CDK14: variants seen among roughly 807,000 people sequenced by gnomAD.
The protein encoded by CDK14 is cyclin dependent kinase 14.
In CDK14, 34 loss-of-function variants were observed where a neutral mutation model predicts 60.7. The observed-to-expected ratio is 0.56, with a 90% CI of 0.43 to 0.75. The LOEUF is 0.75. CDK14 is among the 30% of genes least tolerant of loss of function. The pLI, the probability that CDK14 is intolerant of heterozygous loss-of-function variation, is 0.00. For missense variants in CDK14, 482 were observed against 564.1 expected (o/e 0.85, Z 1.47); for synonymous variants, 197 against 203.7 (o/e 0.97, Z 0.28).
intron 10 of CDK14, among the ~76,000 whole-genome samples, chr7:91,028,217 C>T (rs1163378597): frequency 2.0e-5 from 3 of 151,516 alleles, no homozygotes; most frequent in African/African-American, 7.3e-5. Context: ...TGCTGCACTG[C>T]AAGACATTAT....
intron 12 of CDK14, among the ~76,000 whole-genome samples, chr7:91,099,406 G>A (rs1799095222): frequency 6.6e-6 from 1 of 152,104 alleles, no homozygotes. Context: ...AATGAGAGTT[G>A]TCTGTTTCAG....
intron 6 of CDK14, among the ~76,000 whole-genome samples, chr7:90,867,928 C>T (rs1791240004): frequency 6.6e-6 from 1 of 151,610 alleles, no homozygotes; most frequent in South Asian, 2.1e-4. Flanking sequence ...GAATTTGAGA[C>T]CAGCCTGGGC....
At chr7:91,045,851 T>C in intron 10 of CDK14, 46 bp from the exon 11 acceptor site, 1 of 1,235,682 alleles carries the variant, frequency 8.1e-7, no homozygotes, top group Non-Finnish European at 1.2e-6. Flanking sequence ...TTTTGAGTGC[T>C]TTGGAAATAA....
At chr7:90,939,312 G>T (rs1326432684) in intron 8 of CDK14, among the ~76,000 whole-genome samples, 2 of 152,194 alleles carry the variant, frequency 1.3e-5, no homozygotes, top group East Asian at 1.9e-4. Context: ...TCAGATGTAA[G>T]ATTTCTTACT....
At chr7:91,084,718 A>G (rs138877941) in intron 12 of CDK14, among the ~76,000 whole-genome samples, 1 of 152,312 alleles carries the variant, frequency 6.6e-6, no homozygotes, top group East Asian at 1.9e-4. Context: ...TCCCCTTCTG[A>G]TAGACAGAAA....
At chr7:91,200,942 T>C (rs1428795699) in intron 14 of CDK14, among the ~76,000 whole-genome samples, 34 of 152,230 alleles carry the variant, frequency 2.2e-4, no homozygotes, top group Admixed American at 2.2e-3. Flanking sequence ...CCTGTTTTTC[T>C]CTTTCATTCT....
chr7:90,740,729 C>T (rs7781234), intron 3 of CDK14, among the ~76,000 whole-genome samples: 68,888 of 151,968 alleles, frequency 0.45, 16,366 homozygotes, highest in East Asian at 0.82. Flanking sequence ...AAAATAAACC[C>T]TTGTTATTTG....
At chr7:91,102,732 A>C (rs1799178915) in intron 12 of CDK14, among the ~76,000 whole-genome samples, 1 of 149,984 alleles carries the variant, frequency 6.7e-6, no homozygotes, top group African/African-American at 2.4e-5. Context: ...CCAAATCAGA[A>C]AAAAAAAAAA....
At chr7:91,143,453 C>T (rs958754613) in intron 14 of CDK14, among the ~76,000 whole-genome samples, 3 of 152,124 alleles carry the variant, frequency 2.0e-5, no homozygotes, top group Admixed American at 1.3e-4. Context: ...TACAGTGGTT[C>T]ATGCCTGTAA....
At chr7:91,028,438 G>A (rs1796666584) in intron 10 of CDK14, among the ~76,000 whole-genome samples, 1 of 152,118 alleles carries the variant, frequency 6.6e-6, no homozygotes, top group African/African-American at 2.4e-5. Flanking sequence ...CCTTTGGGTA[G>A]CTACCTACTA....
In CDK14 at chr7:91,209,081, T is replaced by C. The variant is rs560370009; in HGVS notation, c.*1945T>C. On this transcript the variant is annotated 3_prime_UTR_variant, in exon 15 of 15. Coordinates refer to ENST00000380050, the MANE Select transcript of CDK14 (RefSeq NM_001287135.2). ...AATGGACTTTCCTGTGATTTGTTTT[T>C]AATCATTCATTTGGAGAAGAGGCAT... The C allele has an allele frequency of 5.9e-5, 9 of 152,632 alleles. No homozygotes were observed. The highest frequency in any genetic ancestry group is 1.3e-4 in the Non-Finnish European group (9 of 68,044). The allele number at this position is 152,632 out of a possible 1,614,324, so 9.5% of individuals were successfully genotyped here.
chr7:90,725,305 T>TC (rs1802596326), intron 2 of CDK14, among the ~76,000 whole-genome samples: 2 of 152,180 alleles, frequency 1.3e-5, no homozygotes, highest in African/African-American at 4.8e-5. Context: ...TGGTGTGTTT[T>TC]CCTGTATACT....
chr7:90,972,418 T>C (rs1689618712), intron 9 of CDK14, among the ~76,000 whole-genome samples: 2 of 152,240 alleles, frequency 1.3e-5, no homozygotes, highest in Admixed American at 1.3e-4. Flanking sequence ...AATTTTCTTT[T>C]AGAATACAGA....
chr7:90,600,818 A>G (rs150849332), intron 1 of CDK14, among the ~76,000 whole-genome samples: 18 of 152,352 alleles, frequency 1.2e-4, no homozygotes, highest in Admixed American at 1.2e-3. Flanking sequence ...CCAAAACTTA[A>G]GTGTGTCTCA....
At chr7:91,146,223 CAG>C (rs1800633580) in intron 14 of CDK14, among the ~76,000 whole-genome samples, 1 of 152,168 alleles carries the variant, frequency 6.6e-6, no homozygotes, top group African/African-American at 2.4e-5. Flanking sequence ...TTGATTGAGA[CAG>C]AGTCTTGCTC....
At chr7:90,989,089 A>G (rs886559226) in intron 10 of CDK14, among the ~76,000 whole-genome samples, 1 of 151,976 alleles carries the variant, frequency 6.6e-6, no homozygotes, top group East Asian at 1.9e-4. Context: ...GAGTTGGATT[A>G]TTCCTTAAGC....
intron 6 of CDK14, among the ~76,000 whole-genome samples, chr7:90,867,295 T>A (rs957475927): frequency 1.3e-5 from 2 of 152,176 alleles, no homozygotes; most frequent in South Asian, 2.1e-4. Flanking sequence ...CCCGAATATA[T>A]TTAGTTGTGA....
intron 2 of CDK14, among the ~76,000 whole-genome samples, chr7:90,639,107 G>A (rs946962022): frequency 8.5e-5 from 13 of 152,162 alleles, no homozygotes; most frequent in African/African-American, 1.2e-4. Flanking sequence ...TAATTTGATC[G>A]TCTGAAGCCT....
intron 2 of CDK14, among the ~76,000 whole-genome samples, chr7:90,629,025 T>TA (rs563358250): frequency 2.6e-5 from 4 of 151,864 alleles, no homozygotes; most frequent in East Asian, 1.9e-4. Flanking sequence ...GCAAAGACAT[T>TA]AAAAAAAATG....
Sources: gnomAD v4.1 joint callset for allele counts (sites outside exome capture counted in the v4.1 genomes callset) on GRCh38, gnomAD v4.1.1 for gene constraint, MANE v1.5 for transcripts, NCBI Gene and HGNC (gene_info 2026-07-23, HGNC 2026-07-21) for gene names.